EPHA5: variants seen among roughly 807,000 people sequenced by gnomAD.
The protein encoded by EPHA5 is ephrin type-A receptor 5.
Under a neutral mutation model 105.0 loss-of-function variants are expected in EPHA5, and 60 were observed. The observed-to-expected ratio is 0.57, with a 90% CI of 0.46 to 0.71. EPHA5 has a LOEUF of 0.71. EPHA5 is among the 30% of genes least tolerant of loss of function. The pLI, the probability that EPHA5 is intolerant of heterozygous loss-of-function variation, is 0.00. For missense variants in EPHA5, 1,218 were observed against 1,274.7 expected, an observed-to-expected ratio of 0.96 and a Z score of 0.68; for synonymous variants, 513 against 449.1, an observed-to-expected ratio of 1.14 and a Z score of -1.80.
At chr4:65,412,892 G>A (rs1723044989) in intron 7 of EPHA5, among the ~76,000 whole-genome samples, 1 of 152,016 alleles carries the variant, frequency 6.6e-6, no homozygotes, top group Admixed American at 6.6e-5. Flanking sequence ...ATTTACAGTT[G>A]TTTTTTTAAA....
chr4:65,461,499 A>C (rs1458292158), intron 5 of EPHA5, among the ~76,000 whole-genome samples: 1 of 152,078 alleles, frequency 6.6e-6, no homozygotes, highest in Non-Finnish European at 1.5e-5. Flanking sequence ...AGGTAAACTA[A>C]TAATTTCCTC....
rs1351555220 is a variant in EPHA5, at chr4:65,574,161, G to C, written c.910+27480C>G. On this transcript the variant is annotated intron_variant, in intron 3 of 16. Coordinates refer to ENST00000613740, the MANE Select transcript of EPHA5 (RefSeq NM_001281766.3). ...CAGACACCAGGAAGGTGAGATCTTC[G>C]ACACAGAAAAAGGGAAATATGAGAT... is the stretch of plus-strand genomic sequence containing the variant. The C allele has an allele frequency of 4.3e-5, 69 of 1,606,828 alleles. No homozygotes were observed. The East Asian group carries it at 1.4e-3, about 34-fold the overall frequency.
At chr4:65,360,112 G>A (rs1403640716) in intron 11 of EPHA5, among the ~76,000 whole-genome samples, 1 of 151,510 alleles carries the variant, frequency 6.6e-6, no homozygotes, top group Admixed American at 6.6e-5. Flanking sequence ...ATTTGTTCAA[G>A]CCTTATCTAA....
At chr4:65,635,979 G>A (rs1018489711) in intron 2 of EPHA5, among the ~76,000 whole-genome samples, 9 of 151,956 alleles carry the variant, frequency 5.9e-5, no homozygotes, top group East Asian at 1.9e-4. Context: ...CTATTATTCC[G>A]CCAAGTAATT....
intron 2 of EPHA5, among the ~76,000 whole-genome samples, chr4:65,631,726 C>A: frequency 1.2e-5 from 1 of 83,024 alleles, no homozygotes; most frequent in African/African-American, 3.0e-5. Context: ...TACCCTAAAA[C>A]TTAAAGTATA....
chr4:65,505,603 A>C (rs927450313), intron 3 of EPHA5, among the ~76,000 whole-genome samples: 1 of 151,286 alleles, frequency 6.6e-6, no homozygotes, highest in Non-Finnish European at 1.5e-5. Flanking sequence ...GTTTCTTCAC[A>C]AAATATTGAG....
chr4:65,383,921 C>A (rs1248652022), intron 8 of EPHA5, among the ~76,000 whole-genome samples: 1 of 151,794 alleles, frequency 6.6e-6, no homozygotes, highest in Admixed American at 6.6e-5. Context: ...AAAAACTAAA[C>A]AATATTAAAC....
At chr4:65,506,508 C>T (rs1733042860) in intron 3 of EPHA5, among the ~76,000 whole-genome samples, 1 of 145,166 alleles carries the variant, frequency 6.9e-6, no homozygotes, top group Non-Finnish European at 1.5e-5. Context: ...CTCTCCAGCA[C>T]CTGTTGTTTC....
intron 3 of EPHA5, 136 bp from the exon 4 acceptor site, chr4:65,495,679 A>T (rs1014910989): frequency 1.6e-4 from 102 of 653,502 alleles, no homozygotes; most frequent in Non-Finnish European, 2.2e-4. Flanking sequence ...AGAAGTTTTC[A>T]TAAGCTTCTG....
intron 14 of EPHA5, among the ~76,000 whole-genome samples, chr4:65,340,282 G>A (rs10017916): frequency 0.011 from 1,638 of 152,098 alleles, 28 homozygotes; most frequent in African/African-American, 0.037. Context: ...TTCATGTTGC[G>A]ATATATATAT....
chr4:65,432,468 G>C (rs1725068766), intron 5 of EPHA5, among the ~76,000 whole-genome samples: 6 of 152,150 alleles, frequency 3.9e-5, no homozygotes, highest in Admixed American at 3.9e-4. Flanking sequence ...GTCAGAATAT[G>C]TTTGAAACCT....
intron 2 of EPHA5, among the ~76,000 whole-genome samples, chr4:65,627,330 G>T (rs560080161): frequency 3.3e-4 from 50 of 152,202 alleles, no homozygotes; most frequent in African/African-American, 1.1e-3. Flanking sequence ...AAACCTGAAT[G>T]CCCATTAATA....
rs747676301 is a variant in EPHA5, at chr4:65,524,480, A to G, written c.911-28937T>C. Among the ~76,000 whole-genome samples the G allele has an allele frequency of 2.0e-5, 3 of 151,906 alleles. No homozygotes were observed. The East Asian group carries it at 5.8e-4, about 29-fold the overall frequency. ...ATTGTTTAGTTCTTATCAATATTCT[A>G]TGTTTTCTCTCTCCAAACTATAAGT... On this transcript the variant is annotated intron_variant, in intron 3 of 16. Coordinates refer to ENST00000613740, the MANE Select transcript of EPHA5 (RefSeq NM_001281766.3).
intron 8 of EPHA5, chr4:65,376,900 C>G (rs758989409): frequency 9.1e-7 from 1 of 1,099,196 alleles, no homozygotes; most frequent in African/African-American, 1.6e-5. Flanking sequence ...CAGTTTTATT[C>G]TACTCAAATG....
At chr4:65,408,024 G>A (rs1197635904) in intron 7 of EPHA5, among the ~76,000 whole-genome samples, 1 of 151,916 alleles carries the variant, frequency 6.6e-6, no homozygotes. Context: ...CATAACCTCA[G>A]GTTTTAATTA....
At chr4:65,495,195 G>A (rs1471815161) in intron 4 of EPHA5, among the ~76,000 whole-genome samples, 193 bp downstream of exon 4, 2 of 152,128 alleles carry the variant, frequency 1.3e-5, no homozygotes, top group African/African-American at 4.8e-5. Context: ...TTCTAACAAT[G>A]AGTGATAAAA....
At chr4:65,460,668 G>A (rs2149129653) in intron 5 of EPHA5, among the ~76,000 whole-genome samples, 1 of 151,794 alleles carries the variant, frequency 6.6e-6, no homozygotes, top group Middle Eastern at 3.4e-3. Flanking sequence ...AAAAATTAGA[G>A]ACTTCTAAGT....
At chr4:65,619,828 T>G (rs1745553434) in intron 2 of EPHA5, among the ~76,000 whole-genome samples, 1 of 151,874 alleles carries the variant, frequency 6.6e-6, no homozygotes, top group Non-Finnish European at 1.5e-5. Flanking sequence ...AGCTTAGAAT[T>G]TTTACATGTA....
intron 3 of EPHA5, among the ~76,000 whole-genome samples, chr4:65,558,597 G>A (rs1738694452): frequency 6.6e-6 from 1 of 151,934 alleles, no homozygotes; most frequent in Non-Finnish European, 1.5e-5. Flanking sequence ...CAACGTGCAG[G>A]TTAGTTACAT....
Sources: gnomAD v4.1 joint callset for allele counts (sites outside exome capture counted in the v4.1 genomes callset) on GRCh38, gnomAD v4.1.1 for gene constraint, MANE v1.5 for transcripts, NCBI Gene and HGNC (gene_info 2026-07-23, HGNC 2026-07-21) for gene names.